RAD51B: variants seen among roughly 807,000 people sequenced by gnomAD.
The protein encoded by RAD51B is DNA repair protein RAD51 homolog 2.
A neutral mutation model predicts 42.2 loss-of-function variants in RAD51B; 38 were observed. That is an observed-to-expected ratio of 0.90 (90% confidence interval 0.70 to 1.18). RAD51B has a LOEUF of 1.18. Among genes scored for constraint, RAD51B ranks in the 50% most tolerant of loss-of-function variants. The pLI is 0.00. For synonymous variants in RAD51B, 154 were observed against 145.2 expected (o/e 1.06, Z -0.43); for missense variants, 373 against 400.7 (o/e 0.93, Z 0.59).
chr14:68,411,558 G>A, intron 9 of RAD51B, 31 bp downstream of exon 9: 1 of 1,586,368 alleles, frequency 6.3e-7, no homozygotes, highest in Non-Finnish European at 8.7e-7. Flanking sequence ...CTCTGACTAT[G>A]AAGGTCGGGG....
At chr14:68,193,806 G>A (rs947068335) in intron 7 of RAD51B, among the ~76,000 whole-genome samples, 3 of 152,102 alleles carry the variant, frequency 2.0e-5, no homozygotes, top group Non-Finnish European at 1.5e-5. Flanking sequence ...AATTTAGCCC[G>A]CCTTCAAACT....
intron 10 of RAD51B, among the ~76,000 whole-genome samples, chr14:68,510,037 C>T (rs1276862988): frequency 6.6e-6 from 1 of 152,156 alleles, no homozygotes; most frequent in African/African-American, 2.4e-5. Flanking sequence ...GTCACAGCTG[C>T]AAGACCCTCA....
At chr14:68,358,017 TAGAG>T (rs1011963583) in intron 8 of RAD51B, among the ~76,000 whole-genome samples, 5 of 152,172 alleles carry the variant, frequency 3.3e-5, no homozygotes, top group African/African-American at 9.7e-5. Context: ...TCTCAGGAAA[TAGAG>T]AGGCCTGAGA....
At chr14:68,679,861 C>T (rs752256494) in intron 11 of RAD51B, among the ~76,000 whole-genome samples, 1 of 152,164 alleles carries the variant, frequency 6.6e-6, no homozygotes, top group Non-Finnish European at 1.5e-5. Flanking sequence ...GAATCCCAAG[C>T]GAGTAGTCCA....
chr14:68,218,429 T>C (rs2079858455), intron 7 of RAD51B, among the ~76,000 whole-genome samples: 1 of 152,236 alleles, frequency 6.6e-6, no homozygotes, highest in Non-Finnish European at 1.5e-5. Flanking sequence ...CATTAACAGT[T>C]TTTATGGCTA....
intron 7 of RAD51B, among the ~76,000 whole-genome samples, chr14:68,057,554 A>G (rs1394453720): frequency 2.0e-5 from 3 of 152,156 alleles, no homozygotes; most frequent in Admixed American, 1.3e-4. Context: ...TATTTAATAT[A>G]TAAAAGATAT....
At chr14:68,261,569 A>G (rs2080890564) in intron 7 of RAD51B, among the ~76,000 whole-genome samples, 1 of 152,220 alleles carries the variant, frequency 6.6e-6, no homozygotes, top group Non-Finnish European at 1.5e-5. Flanking sequence ...TGCTATTCAT[A>G]TTACTATATA....
chr14:68,642,277 C>A (rs527820100), intron 10 of RAD51B, among the ~76,000 whole-genome samples: 2 of 152,256 alleles, frequency 1.3e-5, no homozygotes, highest in Admixed American at 6.5e-5. Flanking sequence ...GATTCAATTT[C>A]TTTAATAGAT....
chr14:68,608,508 C>T (rs1891546198), intron 10 of RAD51B, among the ~76,000 whole-genome samples: 1 of 152,182 alleles, frequency 6.6e-6, no homozygotes, highest in Non-Finnish European at 1.5e-5. Context: ...TGCCTAAGGG[C>T]CTGACCTAGA....
At chr14:68,323,413 C>T (rs1275057953) in intron 8 of RAD51B, among the ~76,000 whole-genome samples, 1 of 152,156 alleles carries the variant, frequency 6.6e-6, no homozygotes, top group African/African-American at 2.4e-5. Context: ...CCTCACTGGG[C>T]ATTGAGTCTG....
intron 7 of RAD51B, among the ~76,000 whole-genome samples, chr14:67,966,518 G>C (rs2074782036): frequency 6.6e-6 from 1 of 152,132 alleles, no homozygotes; most frequent in Non-Finnish European, 1.5e-5. Flanking sequence ...AGGCTTCTCT[G>C]ACATTCTCTC....
At chr14:68,678,826 T>C (rs867526481) in intron 11 of RAD51B, among the ~76,000 whole-genome samples, 1 of 152,166 alleles carries the variant, frequency 6.6e-6, no homozygotes, top group East Asian at 1.9e-4. Context: ...TTGAACATGA[T>C]AGTGTATACA....
At chr14:68,527,425 A>G (rs1056598740) in intron 10 of RAD51B, among the ~76,000 whole-genome samples, 5 of 152,248 alleles carry the variant, frequency 3.3e-5, no homozygotes, top group African/African-American at 1.2e-4. Flanking sequence ...TTTGAGGCCC[A>G]TGAACCAACT....
chr14:68,561,389 G>C (rs1319684687), intron 10 of RAD51B, among the ~76,000 whole-genome samples: 1 of 152,202 alleles, frequency 6.6e-6, no homozygotes, highest in Non-Finnish European at 1.5e-5. Context: ...GGATTCTGAG[G>C]TTGGGCATCT....
At chr14:68,342,890 A>G (rs2139842137) in intron 8 of RAD51B, among the ~76,000 whole-genome samples, 1 of 151,986 alleles carries the variant, frequency 6.6e-6, no homozygotes, top group African/African-American at 2.4e-5. Flanking sequence ...TGTCCTCTGG[A>G]TGTTGGTCCC....
intron 7 of RAD51B, among the ~76,000 whole-genome samples, chr14:68,243,685 T>C (rs1432248573): frequency 6.6e-6 from 1 of 152,226 alleles, no homozygotes; most frequent in Non-Finnish European, 1.5e-5. Flanking sequence ...TTCACACTAC[T>C]TGATGACTCA....
intron 7 of RAD51B, among the ~76,000 whole-genome samples, chr14:68,185,197 A>G (rs1044230561): frequency 6.6e-6 from 1 of 152,232 alleles, no homozygotes; most frequent in African/African-American, 2.4e-5. Flanking sequence ...ACTACCTCAT[A>G]GGGTTTCTAT....
At chr14:67,864,659 A>T in intron 4 of RAD51B, 2 of 318,118 alleles carry the variant, frequency 6.3e-6, no homozygotes, top group South Asian at 2.8e-5. Context: ...CATGAGGAAA[A>T]GGTATAGAAT....
At chr14:68,058,367 G>C (rs2076513894) in intron 7 of RAD51B, among the ~76,000 whole-genome samples, 2 of 152,148 alleles carry the variant, frequency 1.3e-5, no homozygotes, top group South Asian at 4.1e-4. Flanking sequence ...TTAATCAGTA[G>C]AGTAGGCAAT....
Sources: gnomAD v4.1 joint callset for allele counts (sites outside exome capture counted in the v4.1 genomes callset) on GRCh38, gnomAD v4.1.1 for gene constraint, MANE v1.5 for transcripts, NCBI Gene and HGNC (gene_info 2026-07-23, HGNC 2026-07-21) for gene names.